ACER3: variants seen among roughly 807,000 people sequenced by gnomAD.
ACER3 encodes alkCDase 3.
ACER3 carries 16 observed loss-of-function variants against 48.9 expected under a neutral mutation model. That is an observed-to-expected ratio of 0.33 (90% CI 0.22 to 0.50). ACER3 has a LOEUF of 0.50. ACER3 is among the 20% of genes least tolerant of loss of function. The pLI is 0.98. For synonymous variants in ACER3, 109 were observed against 107.8 expected, an observed-to-expected ratio of 1.01 and a Z score of -0.07; for missense variants, 227 against 326.0, an observed-to-expected ratio of 0.70 and a Z score of 2.34.
At position 77,025,197 on chromosome 11, in the gene ACER3, CTT is replaced by C. The variant is rs1287889048; in HGVS notation, c.*4872_*4873del. On this transcript the variant is annotated 3_prime_UTR_variant, in exon 11 of 11. Coordinates refer to ENST00000532485, the MANE Select transcript of ACER3 (RefSeq NM_018367.7). Reference sequence around the variant, plus strand: ...CAGCAACCATATTTATTAGAGAAATCTTTAAGCATATACATATGGTTCCCTAT... The same window carrying C: ...CAGCAACCATATTTATTAGAGAAATCTAAGCATATACATATGGTTCCCTAT... The C allele has an allele frequency of 6.6e-6, 1 of 151,938 alleles. No individual in the cohort carries two copies. The highest frequency in any genetic ancestry group is 1.5e-5 in the Non-Finnish European group (1 of 68,002). 9.4% of individuals were successfully genotyped at this position (151,938 alleles called of 1,614,324 possible).
chr11:77,002,118 G>C (rs1263404828), intron 7 of ACER3, among the ~76,000 whole-genome samples: 2 of 150,912 alleles, frequency 1.3e-5, no homozygotes, highest in Non-Finnish European at 3.0e-5. Context: ...CTGCCCTAAT[G>C]ACCCCATTTT....
intron 4 of ACER3, among the ~76,000 whole-genome samples, chr11:76,978,904 G>C (rs1471037775): frequency 6.6e-6 from 1 of 152,244 alleles, no homozygotes; most frequent in Non-Finnish European, 1.5e-5. Flanking sequence ...CAGTGCCTAT[G>C]CTGGCTTCTG....
intron 6 of ACER3, among the ~76,000 whole-genome samples, chr11:76,995,506 G>A (rs1288224340): frequency 6.6e-6 from 1 of 151,858 alleles, no homozygotes; most frequent in East Asian, 1.9e-4. Context: ...TTTGGAGACT[G>A]AAAACAACTA....
chr11:76,949,152 C>A (rs1019778871), intron 2 of ACER3, among the ~76,000 whole-genome samples: 3 of 152,114 alleles, frequency 2.0e-5, no homozygotes, highest in African/African-American at 7.2e-5. Flanking sequence ...ATATCTGAAT[C>A]CAGAGGTTCC....
intron 9 of ACER3, among the ~76,000 whole-genome samples, chr11:77,019,382 C>T (rs1949432004): frequency 6.6e-6 from 1 of 152,070 alleles, no homozygotes; most frequent in Non-Finnish European, 1.5e-5. Context: ...TTGCTTGAAC[C>T]TGGGAGGCGG....
chr11:76,897,744 T>C (rs1945970361), intron 1 of ACER3, among the ~76,000 whole-genome samples: 1 of 152,176 alleles, frequency 6.6e-6, no homozygotes. Flanking sequence ...TTTGCTCATT[T>C]CTAGGAAAAC....
chr11:76,863,578 TTAA>T (rs954964697), intron 1 of ACER3, among the ~76,000 whole-genome samples: 4 of 152,156 alleles, frequency 2.6e-5, no homozygotes, highest in African/African-American at 9.7e-5. Flanking sequence ...AATATGCTGA[TTAA>T]TAATAATATG....
intron 1 of ACER3, among the ~76,000 whole-genome samples, chr11:76,881,347 A>G (rs996172788): frequency 1.3e-5 from 2 of 150,650 alleles, no homozygotes; most frequent in African/African-American, 2.4e-5. Flanking sequence ...TTTGGTTTAT[A>G]TGGTTTGGTT....
chr11:76,952,118 A>G (rs560948102), intron 2 of ACER3, among the ~76,000 whole-genome samples: 1 of 136,702 alleles, frequency 7.3e-6, no homozygotes, highest in South Asian at 2.4e-4. Context: ...AAATGTTCAG[A>G]AAAAATATTA....
intron 1 of ACER3, among the ~76,000 whole-genome samples, chr11:76,920,634 CTTTT>C (rs11320505): frequency 2.3e-5 from 3 of 132,848 alleles, no homozygotes; most frequent in African/African-American, 2.8e-5. Context: ...GAACTCTTGA[CTTTT>C]TTTTTTTTTT....
rs541256294 is a variant in ACER3 at position 76,986,698 on chromosome 11, G to C, written c.402+974G>C. 2.0e-5 allele frequency among the ~76,000 whole-genome samples: 3 copies of C among 152,312 alleles called. No homozygotes were observed. The East Asian group carries it at 5.8e-4, about 29-fold the overall frequency. ...AATTGAAGAGCAGTGAATGAGTCTAGTGAATTAGACAAATGTCAAATTATA... is the reference window on the plus strand; with the variant it reads ...AATTGAAGAGCAGTGAATGAGTCTACTGAATTAGACAAATGTCAAATTATA... On this transcript the variant is annotated intron_variant, in intron 5 of 10. Transcript: ENST00000532485.
intron 1 of ACER3, among the ~76,000 whole-genome samples, chr11:76,882,502 T>C (rs952459381): frequency 6.6e-6 from 1 of 152,188 alleles, no homozygotes; most frequent in South Asian, 2.1e-4. Flanking sequence ...TCTCCAGAGA[T>C]TTCCTATCTT....
intron 1 of ACER3, among the ~76,000 whole-genome samples, chr11:76,881,637 A>G (rs943830514): frequency 1.3e-5 from 2 of 152,118 alleles, no homozygotes; most frequent in African/African-American, 2.4e-5. Flanking sequence ...TCTTTATGCT[A>G]TAGTTATTAT....
chr11:76,872,919 T>C (rs1945282664), intron 1 of ACER3, among the ~76,000 whole-genome samples: 2 of 140,140 alleles, frequency 1.4e-5, no homozygotes, highest in Non-Finnish European at 3.1e-5. Context: ...TTCTTTTTTT[T>C]TTTTTTTTTT....
intron 1 of ACER3, among the ~76,000 whole-genome samples, chr11:76,883,507 C>A (rs932922012): frequency 1.4e-5 from 2 of 140,722 alleles, no homozygotes; most frequent in African/African-American, 5.2e-5. Flanking sequence ...GTAGCACGAT[C>A]TCAGCTCACT....
intron 1 of ACER3, among the ~76,000 whole-genome samples, chr11:76,897,784 A>G (rs1945971654): frequency 6.6e-6 from 1 of 152,216 alleles, no homozygotes; most frequent in South Asian, 2.1e-4. Flanking sequence ...ATGAATAATC[A>G]TAGTTTACTT....
rs1180052943 is a variant in ACER3 at position 76,872,893 on chromosome 11, TC to T, written c.103+11815del. ...TTTTTTTCTTTTTCTTTTCTTTCTT[TC>T]TTTCTTTTTTCTTTTTCTTTTTTTT... On this transcript the variant is annotated intron_variant, in intron 1 of 10. Transcript: ENST00000532485. Among the ~76,000 whole-genome samples, 3 of 146,996 alleles carry T rather than the reference TC, an allele frequency of 2.0e-5. No individual in the cohort carries two copies. In the East Asian group the frequency reaches 5.9e-4, roughly 29 times the overall value.
chr11:76,877,973 G>C lies in ACER3; in HGVS notation c.103+16894G>C, dbSNP rs1287842289. 2.6e-5 allele frequency among the ~76,000 whole-genome samples: 4 copies of C among 151,254 alleles called. No individual in the cohort carries two copies. In the East Asian group the frequency reaches 5.8e-4, roughly 22 times the overall value. The stretch of plus-strand genomic sequence containing the variant: ...AATTGTGCTTATTAGTATCATTCAT[G>C]CTCCTGAGAATTGACTGTGTTGATG... On this transcript the variant is annotated intron_variant, in intron 1 of 10. Coordinates refer to ENST00000532485, the MANE Select transcript of ACER3 (RefSeq NM_018367.7).
intron 2 of ACER3, among the ~76,000 whole-genome samples, chr11:76,948,811 G>A (rs1947554961): frequency 6.6e-6 from 1 of 152,058 alleles, no homozygotes. Flanking sequence ...TGTCATCTTT[G>A]TACCTGAATT....
Sources: gnomAD v4.1 joint callset for allele counts (sites outside exome capture counted in the v4.1 genomes callset) on GRCh38, gnomAD v4.1.1 for gene constraint, MANE v1.5 for transcripts, NCBI Gene and HGNC (gene_info 2026-07-23, HGNC 2026-07-21) for gene names.